LINGO2: variants seen among roughly 807,000 people sequenced by gnomAD.
LINGO2 encodes leucine-rich repeat and immunoglobulin-like domain-containing nogo receptor-interacting protein 2.
Under a neutral mutation model 30.6 loss-of-function variants are expected in LINGO2, and 14 were observed. That is an observed-to-expected ratio of 0.46 (90% confidence interval 0.30 to 0.72). The LOEUF is 0.72. LINGO2 is among the 30% of genes least tolerant of loss of function. The pLI is 0.07. For synonymous variants in LINGO2, 317 were observed against 288.5 expected, an observed-to-expected ratio of 1.10 and a Z score of -1.00; for missense variants, 729 against 751.7, an observed-to-expected ratio of 0.97 and a Z score of 0.35.
chr9:28,458,404 T>C (rs186305891), intron 2 of LINGO2, among the ~76,000 whole-genome samples: 194 of 152,296 alleles, frequency 1.3e-3, no homozygotes, highest in African/African-American at 4.6e-3. Flanking sequence ...TTCACTTGTC[T>C]TGTTATTTGT....
At chr9:28,762,409 TTTTG>T in the LINGO2 span, among the ~76,000 whole-genome samples, 1 of 152,026 alleles carries the variant, frequency 6.6e-6, no homozygotes, top group Non-Finnish European at 1.5e-5. Flanking sequence ...GGTTAACTGT[TTTTG>T]TTTATCTCTG....
At chr9:28,079,203 A>G (rs1478225921) in intron 4 of LINGO2, among the ~76,000 whole-genome samples, 1 of 135,246 alleles carries the variant, frequency 7.4e-6, no homozygotes, top group Non-Finnish European at 1.5e-5. Flanking sequence ...GAAATTTAAT[A>G]TAGATAACTG....
At chr9:28,656,161 C>G (rs1260876045) in intron 1 of LINGO2, among the ~76,000 whole-genome samples, 1 of 151,782 alleles carries the variant, frequency 6.6e-6, no homozygotes, top group East Asian at 1.9e-4. Flanking sequence ...AGATAAAATA[C>G]TAAAACAAAA....
intron 1 of LINGO2, among the ~76,000 whole-genome samples, chr9:28,641,149 T>A (rs1407988088): frequency 6.6e-6 from 1 of 152,058 alleles, no homozygotes; most frequent in African/African-American, 2.4e-5. Context: ...TTCTCCTGCC[T>A]CAGTCTCCCG....
intron 5 of LINGO2, among the ~76,000 whole-genome samples, chr9:27,982,701 T>C (rs896875283): frequency 6.6e-6 from 1 of 151,868 alleles, no homozygotes; most frequent in Non-Finnish European, 1.5e-5. Flanking sequence ...TGAACTACCC[T>C]ATGCTGGTTT....
chr9:28,639,960 G>T lies in LINGO2; in HGVS notation c.-365+30240C>A, dbSNP rs537486697. ...GCATGTTTTTGCAGTGGCTGGTACC[G>T]GTTGTTCCTTTCCATGTTTAGTGCT... is the stretch of plus-strand genomic sequence containing the variant. On this transcript the variant is annotated intron_variant, in intron 1 of 5. Transcript: ENST00000379992. Among the ~76,000 whole-genome samples the T allele has an allele frequency of 7.4e-4, 112 of 152,108 alleles. 1 individual carries two copies. Among genetic ancestry groups the T allele is most frequent in the African/African-American group, 2.5e-3 (105 of 41,518 alleles).
chr9:27,964,244 A>G (rs975491331), intron 5 of LINGO2, among the ~76,000 whole-genome samples: 3 of 152,136 alleles, frequency 2.0e-5, no homozygotes, highest in Non-Finnish European at 2.9e-5. Flanking sequence ...GTTATATATT[A>G]TAACATATTT....
At chr9:28,225,001 A>G (rs1030094940) in intron 4 of LINGO2, among the ~76,000 whole-genome samples, 14 of 152,236 alleles carry the variant, frequency 9.2e-5, no homozygotes, top group African/African-American at 3.4e-4. Context: ...AAAAGCACCA[A>G]GAACATACCT....
chr9:28,256,519 G>C (rs1399402645), intron 4 of LINGO2, among the ~76,000 whole-genome samples: 4 of 151,796 alleles, frequency 2.6e-5, no homozygotes, highest in Admixed American at 2.0e-4. Context: ...TAAATAACAG[G>C]TTAATGATAT....
At chr9:28,134,702 A>G (rs528018611) in intron 4 of LINGO2, among the ~76,000 whole-genome samples, 1 of 152,384 alleles carries the variant, frequency 6.6e-6, no homozygotes, top group East Asian at 1.9e-4. Context: ...ATCAGAGAGC[A>G]GTTGCCAAGG....
chr9:29,157,589 T>TTG, the LINGO2 span, among the ~76,000 whole-genome samples: 1 of 152,122 alleles, frequency 6.6e-6, no homozygotes, highest in Non-Finnish European at 1.5e-5. Context: ...TAAAAAATAA[T>TTG]ATCAGACTAA....
intron 3 of LINGO2, among the ~76,000 whole-genome samples, chr9:28,321,721 T>C (rs1367643375): frequency 1.3e-5 from 2 of 152,188 alleles, no homozygotes; most frequent in Non-Finnish European, 2.9e-5. Flanking sequence ...ATTTCATTGT[T>C]GATCTGCCTT....
At chr9:27,959,897 G>T (rs970824493) in intron 5 of LINGO2, among the ~76,000 whole-genome samples, 1 of 152,106 alleles carries the variant, frequency 6.6e-6, no homozygotes, top group Non-Finnish European at 1.5e-5. Flanking sequence ...ATGTGAACTT[G>T]TCTGCATATT....
chr9:28,928,837 C>A, the LINGO2 span, among the ~76,000 whole-genome samples: 5 of 152,090 alleles, frequency 3.3e-5, no homozygotes, highest in African/African-American at 1.2e-4. Context: ...TTCTAGGCAG[C>A]GCAATCGGCC....
intron 5 of LINGO2, among the ~76,000 whole-genome samples, chr9:28,011,827 C>G (rs1822570065): frequency 1.3e-5 from 2 of 152,148 alleles, no homozygotes; most frequent in Non-Finnish European, 2.9e-5. Flanking sequence ...AGGGAGATGC[C>G]TCCTGTGGTG....
chr9:28,117,265 C>G lies in LINGO2; in HGVS notation c.-86-104860G>C, dbSNP rs577281328. ...GACCCACTTGAGGAGGCAGTCTGCC[C>G]GTTCTCAGATCTCCGGCTGCGTGCT... On this transcript the variant is annotated intron_variant, in intron 4 of 5. Coordinates refer to ENST00000379992, the Ensembl canonical transcript of LINGO2. Among the ~76,000 whole-genome samples, 109 of 151,494 alleles carry G rather than the reference C, an allele frequency of 7.2e-4. 1 individual carries two copies. Among genetic ancestry groups the G allele is most frequent in the African/African-American group, 4.4e-4 (18 of 41,346 alleles).
At chr9:28,518,339 T>A (rs887781835) in intron 1 of LINGO2, among the ~76,000 whole-genome samples, 30 of 152,210 alleles carry the variant, frequency 2.0e-4, no homozygotes, top group African/African-American at 7.2e-4. Flanking sequence ...CATATCTAGT[T>A]ATAATATAGG....
In LINGO2 at chr9:28,207,126, T is replaced by C. The variant is rs937602480; in HGVS notation, c.-87+88082A>G. On this transcript the variant is annotated intron_variant, in intron 4 of 5. Transcript: ENST00000379992. ...GCCATGCATTATGCATTTGCTATTA[T>C]CAATAGCACTACAATGATAATTTTT... Among the ~76,000 whole-genome samples, 3 of 152,198 alleles carry C rather than the reference T, an allele frequency of 2.0e-5. No homozygotes were observed. The South Asian group carries it at 6.2e-4, about 31-fold the overall frequency.
the LINGO2 span, among the ~76,000 whole-genome samples, chr9:28,860,020 C>T: frequency 0.71 from 107,104 of 151,840 alleles, 38,757 homozygotes; most frequent in East Asian, 0.89. Context: ...GAAGTATTCC[C>T]TGAAGAAATA....
Sources: allele counts gnomAD v4.1 joint callset (sites outside exome capture counted in the v4.1 genomes callset), GRCh38; gene constraint gnomAD v4.1.1; transcripts MANE v1.5; gene names NCBI Gene and HGNC (gene_info 2026-07-23, HGNC 2026-07-21).